SNX4: variants seen among roughly 807,000 people sequenced by gnomAD.
SNX4 encodes sorting nexin 4, also known as sorting nexin-4.
In SNX4, 49 loss-of-function variants were observed where a neutral mutation model predicts 70.8. The observed-to-expected ratio is 0.69, with a 90% CI of 0.55 to 0.88. The LOEUF is 0.88. Ranked by LOEUF, SNX4 falls within the 40% of genes least tolerant of loss-of-function variation. SNX4 has a pLI of 0.00. For synonymous variants in SNX4, 206 were observed against 183.8 expected (o/e 1.12, Z -0.98); for missense variants, 528 against 544.8 (o/e 0.97, Z 0.31).
chr3:125,480,280 C>G lies in SNX4; in HGVS notation c.693G>C (p.Gln231His). The G allele has an allele frequency of 1.3e-6, 2 of 1,572,908 alleles. No individual in the cohort carries two copies. Among genetic ancestry groups the G allele is most frequent in the Non-Finnish European group, 1.7e-6 (2 of 1,157,302 alleles). The change falls in exon 7 of 14, where the codon CAG (glutamine) becomes CAC (histidine). Residue 231 changes from glutamine to histidine, a missense_variant. Physicochemically the swap from Gln to His is conservative, Grantham distance 24. Coordinates refer to ENST00000251775, the MANE Select transcript of SNX4 (RefSeq NM_003794.4). ...TDLKHYSDEL[Q>H]SVISHLLRVR... is the part of the protein sequence containing the mutation. ...CTCGAAGAAGATGTGAGATGACAGACTGCAGTTCATCACTATAGTGCTTAA... is the reference window on the plus strand; with the variant it reads ...CTCGAAGAAGATGTGAGATGACAGAGTGCAGTTCATCACTATAGTGCTTAA...
chr3:125,509,304 T>C (rs1172366848), intron 1 of SNX4, among the ~76,000 whole-genome samples: 1 of 133,052 alleles, frequency 7.5e-6, no homozygotes, highest in Non-Finnish European at 1.5e-5. Context: ...CACTCCAGCC[T>C]GGGCAACAAG....
intron 5 of SNX4, among the ~76,000 whole-genome samples, chr3:125,495,277 T>TATATACACAC: frequency 4.0e-5 from 4 of 99,608 alleles, no homozygotes; most frequent in South Asian, 3.5e-4. Flanking sequence ...TATATATATA[T>TATATACACAC]ACACATACAC....
rs954619948 is a variant in SNX4 at position 125,447,284 on chromosome 3, C to T, written c.*495G>A. 5 of 152,622 alleles carry T rather than the reference C, an allele frequency of 3.3e-5. No homozygotes were observed. Among genetic ancestry groups the T allele is most frequent in the East Asian group, 3.8e-4 (2 of 5,198 alleles). The allele number at this position is 152,622 out of a possible 1,614,324, so 9.5% of individuals were successfully genotyped here. On this transcript the variant is annotated 3_prime_UTR_variant, in exon 14 of 14. Transcript: ENST00000251775. ...GGCATCAATGAATGTAGAAGAAAAT[C>T]GTAGATTTTTCACATCAAGTTTCTG... is the stretch of plus-strand genomic sequence containing the variant.
At chr3:125,510,387 G>A (rs1463416464) in intron 1 of SNX4, among the ~76,000 whole-genome samples, 2 of 151,196 alleles carry the variant, frequency 1.3e-5, no homozygotes, top group East Asian at 1.9e-4. Context: ...CCCGCCACAC[G>A]CCCGGCTATT....
intron 5 of SNX4, among the ~76,000 whole-genome samples, chr3:125,495,531 T>C (rs1397074013): frequency 1.4e-5 from 2 of 146,508 alleles, no homozygotes; most frequent in African/African-American, 5.5e-5. Flanking sequence ...TATACTGATA[T>C]TACCTTTCAA....
At chr3:125,505,775 C>A (rs1291306133) in intron 1 of SNX4, among the ~76,000 whole-genome samples, 1 of 152,114 alleles carries the variant, frequency 6.6e-6, no homozygotes, top group Non-Finnish European at 1.5e-5. Context: ...TTTCTTTTGA[C>A]CCCCTTTTGT....
At chr3:125,518,604 G>A (rs1935328536) in intron 1 of SNX4, among the ~76,000 whole-genome samples, 1 of 152,160 alleles carries the variant, frequency 6.6e-6, no homozygotes, top group Non-Finnish European at 1.5e-5. Flanking sequence ...CGGGCACCAT[G>A]GCTCACACCT....
In SNX4 at chr3:125,476,848, C is replaced by T. The variant is rs1207824359; in HGVS notation, c.727-92G>A. 7 of 689,134 alleles carry T rather than the reference C, an allele frequency of 1.0e-5. No individual in the cohort carries two copies. In the East Asian group the frequency reaches 2.0e-4, roughly 20 times the overall value. 42.7% of individuals were successfully genotyped at this position (689,134 alleles called of 1,614,324 possible). On this transcript the variant is annotated intron_variant, in intron 7 of 13. Coordinates refer to ENST00000251775, the MANE Select transcript of SNX4 (RefSeq NM_003794.4). ...CAAAAAACAAAAAACATGCTTACTA[C>T]AATAAACTTGGAAATAGAAAAAAGA...
chr3:125,499,689 T>C (rs1934881447), intron 2 of SNX4, among the ~76,000 whole-genome samples: 1 of 151,124 alleles, frequency 6.6e-6, no homozygotes, highest in African/African-American at 2.4e-5. Flanking sequence ...AACCCAAAAC[T>C]TGTAAATAAG....
intron 9 of SNX4, among the ~76,000 whole-genome samples, chr3:125,464,191 C>T (rs1304807807): frequency 6.6e-6 from 1 of 152,144 alleles, no homozygotes; most frequent in Non-Finnish European, 1.5e-5. Context: ...ATTTTCTCAT[C>T]GTCTGCAACT....
At chr3:125,512,098 AAG>A (rs1271097035) in intron 1 of SNX4, among the ~76,000 whole-genome samples, 4 of 152,234 alleles carry the variant, frequency 2.6e-5, no homozygotes, top group African/African-American at 4.8e-5. Flanking sequence ...CTAAGAAAAT[AAG>A]AGAGACAGCA....
intron 8 of SNX4, 39 bp downstream of exon 8, chr3:125,476,656 A>G: frequency 8.4e-7 from 1 of 1,194,812 alleles, no homozygotes; most frequent in Non-Finnish European, 1.2e-6. Flanking sequence ...CAAAAAGGTA[A>G]TTAAAGCTAA....
chr3:125,503,080 T>C (rs143839662), intron 2 of SNX4, among the ~76,000 whole-genome samples: 9 of 152,118 alleles, frequency 5.9e-5, no homozygotes, highest in Non-Finnish European at 8.8e-5. Flanking sequence ...CTAATTTTCA[T>C]ATTTTTAGTA....
At chr3:125,507,208 A>AAAG (rs1935067461) in intron 1 of SNX4, among the ~76,000 whole-genome samples, 1 of 151,502 alleles carries the variant, frequency 6.6e-6, no homozygotes, top group Non-Finnish European at 1.5e-5. Context: ...AAAAAAAAAA[A>AAAG]AAAGAAACCA....
intron 13 of SNX4, among the ~76,000 whole-genome samples, chr3:125,450,088 A>G (rs1014664069): frequency 5.3e-5 from 8 of 152,186 alleles, no homozygotes; most frequent in Non-Finnish European, 2.9e-5. Flanking sequence ...CAACAAAAAA[A>G]GAAGAAAAAA....
Sources: gnomAD v4.1 joint callset for allele counts (sites outside exome capture counted in the v4.1 genomes callset) on GRCh38, gnomAD v4.1.1 for gene constraint, MANE v1.5 for transcripts, NCBI Gene and HGNC (gene_info 2026-07-23, HGNC 2026-07-21) for gene names.